The following ASCC3 variants were observed in gnomAD, a reference collection of about 807,000 sequenced individuals.
The protein encoded by ASCC3 is ASC-1 complex subunit P200.
In ASCC3, 158 loss-of-function variants were observed where a neutral mutation model predicts 256.3. The observed-to-expected ratio is 0.62, with a 90% CI of 0.54 to 0.70. The LOEUF is 0.70. Ranked by LOEUF, ASCC3 falls within the 30% of genes least tolerant of loss-of-function variation. The pLI is 0.00. For synonymous variants in ASCC3, 948 were observed against 883.4 expected, an observed-to-expected ratio of 1.07 and a Z score of -1.30; for missense variants, 2,259 against 2,626.0, an observed-to-expected ratio of 0.86 and a Z score of 3.05.
At chr6:100,869,015 C>T (rs1476685714) in intron 1 of ASCC3, among the ~76,000 whole-genome samples, 2 of 152,196 alleles carry the variant, frequency 1.3e-5, no homozygotes, top group African/African-American at 2.4e-5. Flanking sequence ...CTACTATCTA[C>T]AGATCTATAA....
chr6:100,554,791 C>T (rs1318928905), intron 36 of ASCC3, among the ~76,000 whole-genome samples: 1 of 152,002 alleles, frequency 6.6e-6, no homozygotes, highest in Non-Finnish European at 1.5e-5. Context: ...GCGTTTACCA[C>T]ACTAGGTCCA....
chr6:100,628,024 C>A (rs779833883), intron 27 of ASCC3, 37 bp from the exon 28 acceptor site: 5 of 1,600,838 alleles, frequency 3.1e-6, no homozygotes, highest in South Asian at 1.1e-5. Flanking sequence ...AATCATTTAA[C>A]AAGCCTGTGT....
intron 13 of ASCC3, among the ~76,000 whole-genome samples, chr6:100,683,694 T>A (rs913646594): frequency 6.6e-6 from 1 of 152,146 alleles, no homozygotes; most frequent in African/African-American, 2.4e-5. Flanking sequence ...TGTGTGTCAT[T>A]AAAATAAGAA....
At chr6:100,593,489 G>GATTTC (rs1772111992) in intron 34 of ASCC3, among the ~76,000 whole-genome samples, 1 of 152,062 alleles carries the variant, frequency 6.6e-6, no homozygotes, top group African/African-American at 2.4e-5. Flanking sequence ...TCTTAATACT[G>GATTTC]ATGAAATTTC....
In ASCC3 at chr6:100,661,922, C is replaced by T; in HGVS notation, c.2587G>A (p.Glu863Lys). ...AGRPQFDKFG[E>K]GIIITTHDKL... is the part of the protein sequence containing the mutation. Reference sequence around the variant, plus strand: ...TCATGCGTTGTTATAATTATTCCTTCCCCAAATTTGTCAAATTGTGGTCGT... The same window carrying T: ...TCATGCGTTGTTATAATTATTCCTTTCCCAAATTTGTCAAATTGTGGTCGT... The change falls in exon 16 of 42, where the codon GAA becomes AAA. Residue 863 changes from glutamate (E) to lysine (K), a missense_variant. Glu to Lys is a moderately conservative substitution (Grantham distance 56). This residue lies in a region of ASCC3 where 1,839 missense variants were observed against 2,206.7 expected (regional missense o/e 0.83). Transcript: ENST00000369162. 6.2e-7 allele frequency: 1 copy of T among 1,613,346 alleles called. No individual in the cohort carries two copies. Among genetic ancestry groups the T allele is most frequent in the Non-Finnish European group, 8.5e-7 (1 of 1,179,504 alleles).
At chr6:100,567,050 AGTGACTAGAC>A (rs1468433651) in intron 36 of ASCC3, among the ~76,000 whole-genome samples, 6 of 152,022 alleles carry the variant, frequency 3.9e-5, no homozygotes, top group African/African-American at 1.2e-4. Flanking sequence ...TTGTTTTTTT[AGTGACTAGAC>A]AATAGGAAAA....
At chr6:100,849,917 T>C (rs62422111) in intron 3 of ASCC3, among the ~76,000 whole-genome samples, 52,518 of 151,406 alleles carry the variant, frequency 0.35, 10,684 homozygotes, top group Middle Eastern at 0.49. Context: ...CTGGCCAACA[T>C]GGTGAAATCC....
intron 13 of ASCC3, among the ~76,000 whole-genome samples, chr6:100,680,342 A>G (rs1004675165): frequency 5.3e-5 from 8 of 152,130 alleles, no homozygotes; most frequent in Non-Finnish European, 1.0e-4. Context: ...TGCTGTGTCA[A>G]GAAGTGGGGA....
intron 36 of ASCC3, among the ~76,000 whole-genome samples, chr6:100,564,051 TA>T (rs959673252): frequency 2.0e-5 from 3 of 151,714 alleles, no homozygotes; most frequent in East Asian, 1.9e-4. Context: ...TTTTTAATAT[TA>T]AAAAAAATCC....
chr6:100,514,609 G>GAT (rs35016256), intron 39 of ASCC3, among the ~76,000 whole-genome samples: 3,252 of 148,510 alleles, frequency 0.022, 87 homozygotes, highest in African/African-American at 0.066. Context: ...ATATTTATTG[G>GAT]ATATATATAT....
chr6:100,867,395 A>C (rs1331088347), intron 2 of ASCC3, among the ~76,000 whole-genome samples: 1 of 152,202 alleles, frequency 6.6e-6, no homozygotes, highest in Non-Finnish European at 1.5e-5. Context: ...AGTAGCTTTT[A>C]AAATAACAAT....
At chr6:100,858,756 G>T in intron 3 of ASCC3, 1 of 980,414 alleles carries the variant, frequency 1.0e-6, no homozygotes, top group Non-Finnish European at 1.3e-6. Flanking sequence ...TGAGATTTAG[G>T]ATATCCTCTT....
At chr6:100,737,130 G>C (rs932810002) in intron 10 of ASCC3, among the ~76,000 whole-genome samples, 1 of 139,008 alleles carries the variant, frequency 7.2e-6, no homozygotes, top group African/African-American at 2.7e-5. Flanking sequence ...CTGGGCAACA[G>C]AGTGAGACTC....
rs538543498 is a variant in ASCC3 at position 100,691,391 on chromosome 6, T to G, written c.2152-11639A>C. On this transcript the variant is annotated intron_variant, in intron 13 of 41. Coordinates refer to ENST00000369162, the MANE Select transcript of ASCC3 (RefSeq NM_006828.4). Reference sequence around the variant, plus strand: ...TTCTTTAATGAAAACAATGTTTTCTTAAGCATATGTATTTTTTGGAGGTAA... The same window carrying G: ...TTCTTTAATGAAAACAATGTTTTCTGAAGCATATGTATTTTTTGGAGGTAA... Among the ~76,000 whole-genome samples the G allele has an allele frequency of 1.1e-4, 16 of 152,182 alleles. No individual in the cohort carries two copies. The South Asian group carries it at 3.3e-3, about 32-fold the overall frequency.
chr6:100,613,657 T>C (rs907916754), intron 30 of ASCC3, among the ~76,000 whole-genome samples: 9 of 152,174 alleles, frequency 5.9e-5, no homozygotes, highest in African/African-American at 2.2e-4. Flanking sequence ...AGGTATCTTT[T>C]TGATATACTG....
At chr6:100,749,753 C>T (rs1780851769) in intron 10 of ASCC3, among the ~76,000 whole-genome samples, 1 of 151,610 alleles carries the variant, frequency 6.6e-6, no homozygotes, top group African/African-American at 2.4e-5. Flanking sequence ...ATGATGAATC[C>T]AAGCACAACT....
chr6:100,730,298 G>GAAAAC (rs58157005), intron 10 of ASCC3, among the ~76,000 whole-genome samples: 53,768 of 148,354 alleles, frequency 0.36, 10,773 homozygotes, highest in Middle Eastern at 0.52. Context: ...CTCCATCTCT[G>GAAAAC]AAAACAAAAC....
intron 4 of ASCC3, among the ~76,000 whole-genome samples, chr6:100,819,137 G>A (rs1099916): frequency 0.42 from 62,918 of 150,764 alleles, 13,854 homozygotes; most frequent in Middle Eastern, 0.57. Flanking sequence ...GACACAGGGC[G>A]GGGAACATCA....
chr6:100,688,021 C>T (rs2114979442), intron 13 of ASCC3, among the ~76,000 whole-genome samples: 1 of 150,270 alleles, frequency 6.7e-6, no homozygotes, highest in African/African-American at 2.4e-5. Flanking sequence ...AAACCTGATA[C>T]TACTAAAAGA....
Sources: allele counts gnomAD v4.1 joint callset (sites outside exome capture counted in the v4.1 genomes callset), GRCh38; gene constraint gnomAD v4.1.1; regional missense constraint gnomAD v4.1.1; transcripts MANE v1.5; gene names NCBI Gene and HGNC (gene_info 2026-07-23, HGNC 2026-07-21).